ASTN2: variants seen among roughly 807,000 people sequenced by gnomAD.
The protein encoded by ASTN2 is astrotactin-2.
ASTN2 carries 54 observed loss-of-function variants against 139.8 expected under a neutral mutation model. That is an observed-to-expected ratio of 0.39 (90% confidence interval 0.31 to 0.48). The LOEUF is 0.48. Among genes scored for constraint, ASTN2 ranks in the 20% least tolerant of loss-of-function variants. ASTN2 has a pLI of 0.95. For missense variants in ASTN2, 1,565 were observed against 1,725.1 expected, an observed-to-expected ratio of 0.91 and a Z score of 1.64; for synonymous variants, 756 against 719.5, an observed-to-expected ratio of 1.05 and a Z score of -0.81.
intron 19 of ASTN2, among the ~76,000 whole-genome samples, chr9:116,565,654 T>C (rs1156563110): frequency 6.6e-6 from 1 of 151,280 alleles, no homozygotes; most frequent in East Asian, 1.9e-4. Flanking sequence ...TTTTTTTGTT[T>C]GTATTTTTAG....
At chr9:116,646,797 GC>G (rs1243404589) in intron 17 of ASTN2, among the ~76,000 whole-genome samples, 3 of 152,148 alleles carry the variant, frequency 2.0e-5, no homozygotes, top group Non-Finnish European at 4.4e-5. Flanking sequence ...AGAAGATAGT[GC>G]CCATGCCTGT....
intron 2 of ASTN2, among the ~76,000 whole-genome samples, chr9:117,271,802 C>A (rs909840255): frequency 6.6e-6 from 1 of 152,210 alleles, no homozygotes; most frequent in Non-Finnish European, 1.5e-5. Flanking sequence ...CACGCTGATG[C>A]AAGAGGTAGG....
At chr9:116,718,838 C>CATCT (rs1342743859) in intron 16 of ASTN2, among the ~76,000 whole-genome samples, 1 of 151,850 alleles carries the variant, frequency 6.6e-6, no homozygotes, top group Non-Finnish European at 1.5e-5. Context: ...GGAATTACAC[C>CATCT]ATCTGCTCTC....
chr9:116,884,819 C>CCCTTCTT (rs1833552333), intron 10 of ASTN2, among the ~76,000 whole-genome samples: 1 of 127,234 alleles, frequency 7.9e-6, no homozygotes. Context: ...CCCCCACCCA[C>CCCTTCTT]TTTTTTTTTT....
At chr9:116,797,130 G>A (rs1463090331) in intron 13 of ASTN2, among the ~76,000 whole-genome samples, 2 of 151,988 alleles carry the variant, frequency 1.3e-5, no homozygotes, top group Non-Finnish European at 2.9e-5. Context: ...AATAAACAAA[G>A]AGGGTGGGAG....
intron 16 of ASTN2, among the ~76,000 whole-genome samples, chr9:116,671,132 G>T (rs968769710): frequency 1.3e-5 from 2 of 151,982 alleles, no homozygotes; most frequent in Non-Finnish European, 2.9e-5. Context: ...TTCATATTAA[G>T]TAAATAAAAT....
At chr9:116,548,604 C>T (rs1013809365) in intron 19 of ASTN2, among the ~76,000 whole-genome samples, 4 of 152,070 alleles carry the variant, frequency 2.6e-5, no homozygotes, top group Non-Finnish European at 5.9e-5. Context: ...TCCTGAGTAT[C>T]TGGGATTACA....
chr9:116,762,370 G>A (rs2132170012), intron 13 of ASTN2, among the ~76,000 whole-genome samples: 1 of 152,216 alleles, frequency 6.6e-6, no homozygotes, highest in South Asian at 2.1e-4. Context: ...CTATCTTGCA[G>A]GGCCTCCAAG....
chr9:117,161,587 T>C (rs775131915), intron 3 of ASTN2, among the ~76,000 whole-genome samples: 8 of 152,018 alleles, frequency 5.3e-5, no homozygotes, highest in Non-Finnish European at 1.0e-4. Context: ...AGAGACGGGG[T>C]TTTGCCATGT....
intron 20 of ASTN2, among the ~76,000 whole-genome samples, chr9:116,461,568 C>T (rs1291002518): frequency 6.6e-6 from 1 of 151,922 alleles, no homozygotes; most frequent in African/African-American, 2.4e-5. Flanking sequence ...TTATTTCTTC[C>T]CTCTTCATCT....
At chr9:117,025,623 G>A (rs1344403790) in intron 6 of ASTN2, among the ~76,000 whole-genome samples, 1 of 152,092 alleles carries the variant, frequency 6.6e-6, no homozygotes, top group Non-Finnish European at 1.5e-5. Context: ...ATACTGCAGT[G>A]AGATGTCACC....
chr9:116,607,495 C>T (rs1855267249), intron 19 of ASTN2, among the ~76,000 whole-genome samples: 1 of 152,050 alleles, frequency 6.6e-6, no homozygotes, highest in Admixed American at 6.6e-5. Context: ...TGTAAAGTGA[C>T]CCTAGGCCAG....
intron 11 of ASTN2, among the ~76,000 whole-genome samples, chr9:116,851,471 CATCTATCTATCTATCT>C (rs58927400): frequency 0.23 from 34,748 of 148,922 alleles, 4,139 homozygotes; most frequent in Middle Eastern, 0.28. Context: ...AATTGCTAAA[CATCTATCTATCTATCT>C]ATCTATCTAT....
intron 12 of ASTN2, among the ~76,000 whole-genome samples, chr9:116,816,288 C>A (rs1831326544): frequency 6.6e-6 from 1 of 152,184 alleles, no homozygotes; most frequent in Admixed American, 6.5e-5. Context: ...GGAGGTGATG[C>A]CCTCTCACCT....
At chr9:116,465,141 C>G (rs1848612666) in intron 20 of ASTN2, among the ~76,000 whole-genome samples, 1 of 152,216 alleles carries the variant, frequency 6.6e-6, no homozygotes, top group African/African-American at 2.4e-5. Flanking sequence ...CCAAGTCTGT[C>G]TGCCTCCACC....
At chr9:117,276,447 C>T (rs1587902777) in intron 2 of ASTN2, among the ~76,000 whole-genome samples, 1 of 152,164 alleles carries the variant, frequency 6.6e-6, no homozygotes, top group African/African-American at 2.4e-5. Flanking sequence ...CCCTCATCTC[C>T]CCCCAGACAG....
chr9:117,370,735 C>T lies in ASTN2; in HGVS notation c.442+43762G>A, dbSNP rs184015979. On this transcript the variant is annotated intron_variant, in intron 1 of 22. Coordinates refer to ENST00000313400, the MANE Select transcript of ASTN2 (RefSeq NM_001365068.1). ...TTTTTTTTCCCCCTAGAGACAGAGT[C>T]TTGCTCTGTTGGCCAGGCTGGAGTG... Among the ~76,000 whole-genome samples, 58 of 152,190 alleles carry T rather than the reference C, an allele frequency of 3.8e-4. 1 individual carries two copies. Among genetic ancestry groups the T allele is most frequent in the African/African-American group, 1.3e-3 (56 of 41,548 alleles).
chr9:117,103,883 T>C (rs1003434423), intron 4 of ASTN2, among the ~76,000 whole-genome samples: 6 of 152,308 alleles, frequency 3.9e-5, no homozygotes, highest in African/African-American at 1.4e-4. Flanking sequence ...CAACTCACAA[T>C]TGCTCTGAGC....
intron 2 of ASTN2, among the ~76,000 whole-genome samples, chr9:117,286,104 G>A (rs1834442813): frequency 6.6e-6 from 1 of 152,102 alleles, no homozygotes. Context: ...AGGGGGAGAG[G>A]AGGAAAGAGT....
Sources: allele counts gnomAD v4.1 joint callset (sites outside exome capture counted in the v4.1 genomes callset), GRCh38; gene constraint gnomAD v4.1.1; transcripts MANE v1.5; gene names NCBI Gene and HGNC (gene_info 2026-07-23, HGNC 2026-07-21).